The following SPINK6 variants were observed in gnomAD, a reference collection of about 807,000 sequenced individuals.
SPINK6 encodes the protein serine peptidase inhibitor Kazal type 6.
A neutral mutation model predicts 11.7 loss-of-function variants in SPINK6; 13 were observed. That is an observed-to-expected ratio of 1.11 (90% CI 0.72 to 1.76). The LOEUF (loss-of-function observed/expected upper bound fraction) is 1.76, where lower values mean the gene tolerates loss of function less well. SPINK6 is among the 40% of genes most tolerant of loss of function. The pLI is 0.00. For missense variants in SPINK6, 98 were observed against 93.7 expected (o/e 1.05, Z -0.19); for synonymous variants, 21 against 31.9 (o/e 0.66, Z 1.15).
Position 148,214,942 on chromosome 5 carries a change from A to G in SPINK6, c.235A>G (p.Lys79Glu). The change falls in exon 4 of 4, where the codon AAA becomes GAA. Residue 79 changes from lysine (K) to glutamate (E), a missense_variant. Transcript: ENST00000325630. ...AAAGATTAGCCTAAAGCATCCTGGA[A>G]AATGCTGAGTTAAAGCCAATGTTTC... is the stretch of plus-strand genomic sequence containing the variant. ...GGKISLKHPG[K>E]C is the part of the protein sequence containing the mutation. 6.2e-7 allele frequency: 1 copy of G among 1,613,800 alleles called. No individual in the cohort carries two copies. The highest frequency in any genetic ancestry group is 1.3e-5 in the African/African-American group (1 of 75,024).
chr5:148,214,091 T>A, intron 3 of SPINK6, 66 bp downstream of exon 3: 2 of 966,318 alleles, frequency 2.1e-6, no homozygotes, highest in Non-Finnish European at 3.2e-6. Context: ...ACTAAGACAC[T>A]TTTTCGAGGT....
chr5:148,212,622 TATA>T, intron 2 of SPINK6, among the ~76,000 whole-genome samples: 2 of 102,136 alleles, frequency 2.0e-5, no homozygotes, highest in Admixed American at 1.3e-4. Flanking sequence ...ATTTATATTA[TATA>T]TTATATATTA....
intron 2 of SPINK6, among the ~76,000 whole-genome samples, chr5:148,208,007 A>G (rs1235915655): frequency 1.3e-5 from 2 of 152,184 alleles, no homozygotes; most frequent in Non-Finnish European, 2.9e-5. Context: ...TTTATACATA[A>G]GAAAACTGAG....
chr5:148,205,031 G>C (rs1755479752), intron 1 of SPINK6, among the ~76,000 whole-genome samples: 1 of 152,094 alleles, frequency 6.6e-6, no homozygotes, highest in Non-Finnish European at 1.5e-5. Flanking sequence ...CACCCATATT[G>C]CTAGTTATAA....
intron 2 of SPINK6, among the ~76,000 whole-genome samples, chr5:148,211,519 C>G (rs1221701358): frequency 1.3e-5 from 2 of 152,080 alleles, no homozygotes; most frequent in African/African-American, 4.8e-5. Context: ...TTTTATATGA[C>G]CACATTTGTT....
At chr5:148,203,376 A>C (rs1167184800) in intron 1 of SPINK6, among the ~76,000 whole-genome samples, 2 of 152,140 alleles carry the variant, frequency 1.3e-5, no homozygotes, top group East Asian at 3.9e-4. Flanking sequence ...GCATGTACGA[A>C]GGGATTTTAT....
chr5:148,204,417 G>A (rs982145163), intron 1 of SPINK6, among the ~76,000 whole-genome samples: 1 of 150,526 alleles, frequency 6.6e-6, no homozygotes, highest in Non-Finnish European at 1.5e-5. Context: ...CTTTACAAAG[G>A]TGAATTGATC....
At chr5:148,213,850 T>C (rs999252233) in intron 2 of SPINK6, 60 bp from the exon 3 acceptor site, 17 of 867,560 alleles carry the variant, frequency 2.0e-5, no homozygotes, top group Non-Finnish European at 3.1e-5. Context: ...AAAGCTTCTG[T>C]TCTGAAGGAT....
Position 148,215,134 on chromosome 5 carries a change from A to T in SPINK6, c.*184A>T. ...TTGTCAATAAAGTACATTCTGCAAA[A>T]GCATTGACTGTGTTCTTACTTTGAG... On this transcript the variant is annotated 3_prime_UTR_variant, in exon 4 of 4. Transcript: ENST00000325630. 1 of 546,702 alleles carries T rather than the reference A, an allele frequency of 1.8e-6. No homozygotes were observed. The highest frequency in any genetic ancestry group is 3.3e-6 in the Non-Finnish European group (1 of 305,662). The allele number at this position is 546,702 out of a possible 1,614,324, so 33.9% of individuals were successfully genotyped here.
chr5:148,207,021 T>TTGTGTGTGTGTG (rs61655416), intron 2 of SPINK6, among the ~76,000 whole-genome samples: 203 of 150,122 alleles, frequency 1.4e-3, no homozygotes, highest in African/African-American at 1.6e-3. Flanking sequence ...GATGATGCAT[T>TTGTGTGTGTGTG]TGTGTGTGTG....
chr5:148,207,802 T>C (rs1452678627), intron 2 of SPINK6, among the ~76,000 whole-genome samples: 1 of 152,158 alleles, frequency 6.6e-6, no homozygotes, highest in Non-Finnish European at 1.5e-5. Flanking sequence ...CAGAGTGTTT[T>C]CTAAAGTTCA....
Position 148,210,007 on chromosome 5 carries a change from C to CATACACACGTACGCATGT in SPINK6, c.82-3901_82-3900insACACACGTACGCATGTAT, listed in dbSNP as rs1554112271. Among the ~76,000 whole-genome samples, 10 of 105,728 alleles carry CATACACACGTACGCATGT rather than the reference C, an allele frequency of 9.5e-5. 2 individuals are homozygous for CATACACACGTACGCATGT. Among genetic ancestry groups the CATACACACGTACGCATGT allele is most frequent in the Admixed American group, 1.7e-4 (2 of 11,906 alleles). 69.4% of individuals were successfully genotyped at this position (105,728 alleles called of 152,430 possible). ...ATGTATACATATACACGTATGTATA[C>CATACACACGTACGCATGT]ATGTATGTACGCATGTACGCATGCA... On this transcript the variant is annotated intron_variant, in intron 2 of 3. Coordinates refer to ENST00000325630, the MANE Select transcript of SPINK6 (RefSeq NM_205841.4).
chr5:148,206,263 G>A (rs1352011790), intron 2 of SPINK6, among the ~76,000 whole-genome samples: 1 of 151,854 alleles, frequency 6.6e-6, no homozygotes, highest in African/African-American at 2.4e-5. Context: ...AATTTTTTAG[G>A]GAAGAATAAA....
In SPINK6 at chr5:148,210,108, A is replaced by C. The variant is rs529747626; in HGVS notation, c.82-3802A>C. ...TGCATGTTTACATGTATGTATGCACATATGTATGTATGTTTACATTTATTT... is the reference window on the plus strand; with the variant it reads ...TGCATGTTTACATGTATGTATGCACCTATGTATGTATGTTTACATTTATTT... On this transcript the variant is annotated intron_variant, in intron 2 of 3. Coordinates refer to ENST00000325630, the MANE Select transcript of SPINK6 (RefSeq NM_205841.4). Among the ~76,000 whole-genome samples the C allele has an allele frequency of 2.7e-5, 4 of 150,694 alleles. 1 individual carries two copies. Among genetic ancestry groups the C allele is most frequent in the African/African-American group, 9.7e-5 (4 of 41,126 alleles).
chr5:148,202,983 A>C (rs115383449), upstream of SPINK6: 3 of 691,952 alleles, frequency 4.3e-6, no homozygotes, highest in East Asian at 2.8e-5. Context: ...TTAAATGCAT[A>C]AACTGCATAG....
chr5:148,211,673 G>A (rs1017399697), intron 2 of SPINK6, among the ~76,000 whole-genome samples: 2 of 152,122 alleles, frequency 1.3e-5, no homozygotes, highest in Admixed American at 6.5e-5. Flanking sequence ...TCTAAAACAC[G>A]ATTCTCAGCT....
chr5:148,203,278 AATG>A (rs964076404), intron 1 of SPINK6, 124 bp downstream of exon 1: 11 of 664,966 alleles, frequency 1.7e-5, no homozygotes, highest in Admixed American at 9.3e-5. Context: ...AGATTATCAT[AATG>A]ATGATAATGA....
At chr5:148,209,368 A>T (rs1755539493) in intron 2 of SPINK6, among the ~76,000 whole-genome samples, 1 of 152,210 alleles carries the variant, frequency 6.6e-6, no homozygotes, top group Non-Finnish European at 1.5e-5. Flanking sequence ...TTAATCAGCA[A>T]TAGAGGGCCA....
intron 1 of SPINK6, among the ~76,000 whole-genome samples, chr5:148,203,398 G>A (rs1755460001): frequency 6.6e-6 from 1 of 152,146 alleles, no homozygotes; most frequent in African/African-American, 2.4e-5. Flanking sequence ...TATTGTCTCT[G>A]AGACTCATAA....
Sources: gnomAD v4.1 joint callset for allele counts (sites outside exome capture counted in the v4.1 genomes callset) on GRCh38, gnomAD v4.1.1 for gene constraint, MANE v1.5 for transcripts, NCBI Gene and HGNC (gene_info 2026-07-23, HGNC 2026-07-21) for gene names.